Variants in DGUOK observed in about 807,000 individuals in gnomAD.
DGUOK encodes the protein deoxyguanosine kinase, also known as deoxyguanosine kinase, mitochondrial.
In DGUOK, 30 loss-of-function variants were observed where a neutral mutation model predicts 36.6. The ratio of observed to expected loss-of-function variants is 0.82; its 90% CI spans 0.61 to 1.11. The LOEUF is 1.11. Among genes scored for constraint, DGUOK ranks in the 50% most tolerant of loss-of-function variants. The pLI, the probability that DGUOK is intolerant of heterozygous loss-of-function variation, is 0.00. For missense variants in DGUOK, 361 were observed against 336.4 expected (o/e 1.07, Z -0.57); for synonymous variants, 145 against 126.3 (o/e 1.15, Z -0.99).
At chr2:73,958,037 T>C in intron 5 of DGUOK, 109 bp from the exon 6 acceptor site, 1 of 840,452 alleles carries the variant, frequency 1.2e-6, no homozygotes, top group Non-Finnish European at 2.0e-6. Context: ...CTTTGAAAAG[T>C]CATGTTGAAT....
chr2:73,940,302 T>C (rs1681808248), intron 2 of DGUOK, among the ~76,000 whole-genome samples: 1 of 152,230 alleles, frequency 6.6e-6, no homozygotes, highest in African/African-American at 2.4e-5. Context: ...TTGTTCACTT[T>C]CCACTTTGAA....
At position 73,957,115 on chromosome 2, in the gene DGUOK, T is replaced by C. The variant is rs1558668814; in HGVS notation, c.592-10T>C. Reference sequence around the variant, plus strand: ...AAAGAGCTCATCAGGGCTTGGGGACTGTCTTTTAGGTTTGTTTGAAGAGAC... The same window carrying C: ...AAAGAGCTCATCAGGGCTTGGGGACCGTCTTTTAGGTTTGTTTGAAGAGAC... On this transcript the variant is annotated splice_polypyrimidine_tract_variant and intron_variant, in intron 4 of 6. Transcript: ENST00000264093. 6.2e-7 allele frequency: 1 copy of C among 1,606,218 alleles called. No individual in the cohort carries two copies. The highest frequency in any genetic ancestry group is 1.1e-5 in the South Asian group (1 of 90,898).
At position 73,958,847 on chromosome 2, in the gene DGUOK, C is replaced by T; in HGVS notation, c.*111C>T. ...TCCCCAGCCCCTCTCATCCCTGGAGCACTCTGCCGCTCAAGAGCTGGTTTG... is the reference window on the plus strand; with the variant it reads ...TCCCCAGCCCCTCTCATCCCTGGAGTACTCTGCCGCTCAAGAGCTGGTTTG... On this transcript the variant is annotated 3_prime_UTR_variant, in exon 7 of 7. Transcript: ENST00000264093. 2 of 889,494 alleles carry T rather than the reference C, an allele frequency of 2.2e-6. No individual in the cohort carries two copies. Among genetic ancestry groups the T allele is most frequent in the Non-Finnish European group, 3.8e-6 (2 of 526,560 alleles). The allele number at this position is 889,494 out of a possible 1,614,324, so 55.1% of individuals were successfully genotyped here. A position where few individuals can be genotyped will look rare whatever the true frequency, so the allele number is the denominator to read the frequency against.
intron 2 of DGUOK, 75 bp downstream of exon 2, chr2:73,939,097 A>G (rs2104908066): frequency 1.0e-6 from 1 of 967,312 alleles, no homozygotes; most frequent in South Asian, 1.3e-5. Flanking sequence ...ATTTACTCTC[A>G]GTGAGTAAAG....
At chr2:73,937,493 A>C (rs932765253) in intron 1 of DGUOK, among the ~76,000 whole-genome samples, 4 of 152,238 alleles carry the variant, frequency 2.6e-5, no homozygotes, top group African/African-American at 9.6e-5. Flanking sequence ...GAATGGAGAG[A>C]AAAGGACAAA....
At chr2:73,958,462 T>C (rs181203937) in intron 6 of DGUOK, among the ~76,000 whole-genome samples, 21 of 152,332 alleles carry the variant, frequency 1.4e-4, no homozygotes, top group Non-Finnish European at 1.3e-4. Flanking sequence ...ACTTGTAACA[T>C]GTGCTTGCCA....
chr2:73,944,747 C>G (rs1682160044), intron 2 of DGUOK, among the ~76,000 whole-genome samples: 1 of 152,214 alleles, frequency 6.6e-6, no homozygotes, highest in African/African-American at 2.4e-5. Context: ...CCAAAGCCCA[C>G]TGGTGCAATA....
intron 1 of DGUOK, among the ~76,000 whole-genome samples, chr2:73,931,345 T>C (rs902696743): frequency 9.2e-5 from 14 of 151,654 alleles, no homozygotes. Flanking sequence ...TGTGATCTCA[T>C]CTCACTGCAA....
rs1680650045 is a variant in DGUOK, at chr2:73,927,059, G to A, written c.142+7G>A. 1 of 1,606,936 alleles carries A rather than the reference G, an allele frequency of 6.2e-7. No homozygotes were observed. The highest frequency in any genetic ancestry group is 8.5e-7 in the Non-Finnish European group (1 of 1,179,974). On this transcript the variant is annotated splice_region_variant and intron_variant, in intron 1 of 6. Coordinates refer to ENST00000264093, the MANE Select transcript of DGUOK (RefSeq NM_080916.3). ...TCCATCGAAGGCAACATTGGTAAGG[G>A]CCGGAAAGCGGCTGCCAAGCCTTGG... is the stretch of plus-strand genomic sequence containing the variant.
rs555565876 is a variant in DGUOK, at chr2:73,946,403, C to G, written c.256-316C>G. Among the ~76,000 whole-genome samples the G allele has an allele frequency of 3.4e-3, 517 of 152,358 alleles. 7 individuals carry two copies. Among genetic ancestry groups the G allele is most frequent in the African/African-American group, 0.012 (488 of 41,588 alleles). ...GACTGTTAACTCCTCCCCAGACAGA[C>G]TTCACAAATCCCTCAATCAGTGATC... On this transcript the variant is annotated intron_variant, in intron 2 of 6. Coordinates refer to ENST00000264093, the MANE Select transcript of DGUOK (RefSeq NM_080916.3).
chr2:73,946,257 A>G (rs1255052885), intron 2 of DGUOK, among the ~76,000 whole-genome samples: 5 of 152,230 alleles, frequency 3.3e-5, no homozygotes. Flanking sequence ...TCAAATAAGC[A>G]GTTGCTTTCT....
chr2:73,929,249 C>G (rs1680833656), intron 1 of DGUOK, among the ~76,000 whole-genome samples: 1 of 152,194 alleles, frequency 6.6e-6, no homozygotes, highest in African/African-American at 2.4e-5. Flanking sequence ...GCTGGATCCA[C>G]AGGTGTTTGC....
At chr2:73,933,161 A>G (rs1442680158) in intron 1 of DGUOK, among the ~76,000 whole-genome samples, 2 of 152,222 alleles carry the variant, frequency 1.3e-5, no homozygotes, top group African/African-American at 4.8e-5. Context: ...GTGACTTCAC[A>G]TCACTAATAT....
At position 73,952,124 on chromosome 2, in the gene DGUOK, G is replaced by A. The variant is rs145278306; in HGVS notation, c.591+1392G>A. On this transcript the variant is annotated intron_variant, in intron 4 of 6. Transcript: ENST00000264093. ...CTCGAGGCTACAGTGAGCTGTGATC[G>A]TGCCACTATACTCCAGCCCAGGTGA... Among the ~76,000 whole-genome samples, 121 of 152,332 alleles carry A rather than the reference G, an allele frequency of 7.9e-4. 1 individual carries two copies. The South Asian group carries it at 9.1e-3, about 11-fold the overall frequency.
intron 3 of DGUOK, chr2:73,947,155 TTA>T: frequency 2.0e-6 from 1 of 503,284 alleles, no homozygotes; most frequent in Non-Finnish European, 3.6e-6. Context: ...ACTGATTACC[TTA>T]TGTTTCCTTA....
chr2:73,934,342 T>G (rs963206222), intron 1 of DGUOK, among the ~76,000 whole-genome samples: 5 of 152,162 alleles, frequency 3.3e-5, no homozygotes, highest in Non-Finnish European at 7.4e-5. Flanking sequence ...ACCTTCCACC[T>G]TTTTTTAAGG....
At chr2:73,949,549 T>C (rs2104957652) in intron 3 of DGUOK, among the ~76,000 whole-genome samples, 1 of 152,304 alleles carries the variant, frequency 6.6e-6, no homozygotes, top group East Asian at 1.9e-4. Flanking sequence ...GTGACTTGCC[T>C]GAAGTTACAT....
chr2:73,932,432 T>C (rs970726434), intron 1 of DGUOK, among the ~76,000 whole-genome samples: 1 of 152,200 alleles, frequency 6.6e-6, no homozygotes, highest in Non-Finnish European at 1.5e-5. Context: ...TGTTCATCTT[T>C]GTATTGCTGA....
chr2:73,948,091 G>A (rs1358231931), intron 3 of DGUOK, among the ~76,000 whole-genome samples: 2 of 152,070 alleles, frequency 1.3e-5, no homozygotes, highest in Non-Finnish European at 2.9e-5. Context: ...AGCTAAATAT[G>A]TGAATTACAA....
Sources: gnomAD v4.1 joint callset for allele counts (sites outside exome capture counted in the v4.1 genomes callset) on GRCh38, gnomAD v4.1.1 for gene constraint, MANE v1.5 for transcripts, NCBI Gene and HGNC (gene_info 2026-07-23, HGNC 2026-07-21) for gene names.